FBXL5: variants seen among roughly 807,000 people sequenced by gnomAD.
The protein encoded by FBXL5 is F-box and leucine rich repeat protein 5.
In FBXL5, 26 loss-of-function variants were observed where a neutral mutation model predicts 78.3. The ratio of observed to expected loss-of-function variants is 0.33; its 90% CI spans 0.24 to 0.46. FBXL5 has a LOEUF of 0.46. Among genes scored for constraint, FBXL5 ranks in the 20% least tolerant of loss-of-function variants. The pLI is 1.00. For synonymous variants in FBXL5, 295 were observed against 282.5 expected (o/e 1.04, Z -0.45); for missense variants, 710 against 829.2 (o/e 0.86, Z 1.77).
At position 15,605,813 on chromosome 4, in the gene FBXL5, GA is replaced by G; in HGVS notation, c.2000-15del. ...CAGCATGAGGACCTGTATGAAAACA[GA>G]AAAATGTGAAAGGAGGAATTTCTTA... On this transcript the variant is annotated splice_polypyrimidine_tract_variant and intron_variant, in intron 10 of 10. Transcript: ENST00000341285. The G allele has an allele frequency of 6.3e-7, 1 of 1,593,670 alleles. No individual in the cohort carries two copies. Among genetic ancestry groups the G allele is most frequent in the Non-Finnish European group, 8.5e-7 (1 of 1,171,284 alleles).
rs1712979185 is a variant in FBXL5, at chr4:15,625,753, A to G, written c.1349T>C (p.Leu450Ser). The G allele has an allele frequency of 6.2e-7, 1 of 1,614,076 alleles. No homozygotes were observed. The highest frequency in any genetic ancestry group is 1.3e-5 in the African/African-American group (1 of 74,930). Reference protein sequence around the residue: ...STKQYACLHDLTNKGIGEEID... With the variant: ...STKQYACLHDSTNKGIGEEID... ...TTCTTCTCCAATGCCCTTGTTAGTTAAATCGTGCAAACAGGCATACTGCTT... is the reference window on the plus strand; with the variant it reads ...TTCTTCTCCAATGCCCTTGTTAGTTGAATCGTGCAAACAGGCATACTGCTT... The change falls in exon 9 of 11, where the codon TTA becomes TCA. Residue 450 changes from leucine (L) to serine (S), a missense_variant. Coordinates refer to ENST00000341285, the MANE Select transcript of FBXL5 (RefSeq NM_012161.4).
chr4:15,662,133 A>T (rs1336766615), upstream of FBXL5, among the ~76,000 whole-genome samples: 1 of 150,574 alleles, frequency 6.6e-6, no homozygotes, highest in Non-Finnish European at 1.5e-5. Context: ...CAACCCCAGT[A>T]CAGTGTGGGA....
At chr4:15,623,590 AAAAC>A (rs1420842382) in intron 9 of FBXL5, among the ~76,000 whole-genome samples, 1 of 152,268 alleles carries the variant, frequency 6.6e-6, no homozygotes, top group Non-Finnish European at 1.5e-5. Context: ...GTTGCATTCA[AAAAC>A]AAAATCATAT....
chr4:15,659,642 G>T, upstream of FBXL5: 1 of 464,154 alleles, frequency 2.2e-6, no homozygotes, highest in Non-Finnish European at 2.8e-6. Flanking sequence ...GATATAATGT[G>T]TATAGTGGTC....
intron 1 of FBXL5, among the ~76,000 whole-genome samples, chr4:15,674,028 T>C (rs1365020967): frequency 6.6e-6 from 1 of 152,216 alleles, no homozygotes; most frequent in Non-Finnish European, 1.5e-5. Flanking sequence ...ATCAAACTTT[T>C]AACCATTACA....
At chr4:15,665,011 G>A (rs1276651381) in intron 1 of FBXL5, among the ~76,000 whole-genome samples, 9 of 152,098 alleles carry the variant, frequency 5.9e-5, no homozygotes, top group Admixed American at 5.9e-4. Flanking sequence ...CACCCTTAAT[G>A]CAAAGGGCTT....
At chr4:15,623,826 GT>G (rs548846356) in intron 9 of FBXL5, among the ~76,000 whole-genome samples, 37 of 147,212 alleles carry the variant, frequency 2.5e-4, no homozygotes, top group South Asian at 2.2e-4. Context: ...TTTTACAATA[GT>G]TTTTTTTTTT....
chr4:15,618,075 C>T (rs1712096423), intron 9 of FBXL5, among the ~76,000 whole-genome samples: 1 of 152,096 alleles, frequency 6.6e-6, no homozygotes, highest in Non-Finnish European at 1.5e-5. Context: ...TTTTAAACGA[C>T]AAATACAAAA....
chr4:15,628,135 C>T, intron 6 of FBXL5, 102 bp from the exon 7 acceptor site: 1 of 1,093,530 alleles, frequency 9.1e-7, no homozygotes, highest in South Asian at 1.5e-5. Flanking sequence ...TTGTGCTATC[C>T]TTATACTTTC....
chr4:15,653,315 T>C (rs1047110284), intron 1 of FBXL5, among the ~76,000 whole-genome samples: 1 of 152,186 alleles, frequency 6.6e-6, no homozygotes, highest in Admixed American at 6.5e-5. Context: ...CTCAGATATC[T>C]TGTAAAAAAG....
intron 1 of FBXL5, among the ~76,000 whole-genome samples, chr4:15,652,072 C>T (rs921333060): frequency 6.6e-6 from 1 of 152,126 alleles, no homozygotes; most frequent in Admixed American, 6.6e-5. Context: ...GTAGTACAAG[C>T]TACTACAGAG....
chr4:15,661,013 G>T (rs898476578), upstream of FBXL5, among the ~76,000 whole-genome samples: 18 of 151,730 alleles, frequency 1.2e-4, no homozygotes, highest in African/African-American at 4.4e-4. Context: ...AGAGAAGGAG[G>T]TTGCAGTGAG....
In FBXL5 at chr4:15,628,094, G is replaced by A. The variant is rs1327769076; in HGVS notation, c.893-61C>T. ...AACTGATAATAATTAAGCTACTCAAGCGCTCACCAAATTGTTAAATATGAC... is the reference window on the plus strand; with the variant it reads ...AACTGATAATAATTAAGCTACTCAAACGCTCACCAAATTGTTAAATATGAC... On this transcript the variant is annotated intron_variant, in intron 6 of 10. Coordinates refer to ENST00000341285, the MANE Select transcript of FBXL5 (RefSeq NM_012161.4). 2.7e-6 allele frequency: 4 copies of A among 1,497,766 alleles called. No individual in the cohort carries two copies. In the African/African-American group the frequency reaches 6.1e-5, roughly 23 times the overall value. The allele number at this position is 1,497,766 out of a possible 1,614,324, so 92.8% of individuals were successfully genotyped here. A position where few individuals can be genotyped will look rare whatever the true frequency, so the allele number is the denominator to read the frequency against.
intron 1 of FBXL5, among the ~76,000 whole-genome samples, chr4:15,678,654 TTAAGTA>T: frequency 6.6e-6 from 1 of 152,208 alleles, no homozygotes; most frequent in Admixed American, 6.5e-5. Context: ...GAGCATTAAT[TTAAGTA>T]TATTTACCTA....
At chr4:15,630,260 T>C (rs1211854415) in intron 6 of FBXL5, among the ~76,000 whole-genome samples, 1 of 152,186 alleles carries the variant, frequency 6.6e-6, no homozygotes, top group African/African-American at 2.4e-5. Flanking sequence ...GTATTAAGAC[T>C]ATCTACAAAC....
intron 1 of FBXL5, among the ~76,000 whole-genome samples, chr4:15,673,765 C>G (rs1045160921): frequency 3.9e-5 from 6 of 152,192 alleles, no homozygotes; most frequent in African/African-American, 1.4e-4. Context: ...TCTCTCCCTT[C>G]TAGCAAACTC....
chr4:15,665,080 A>G (rs1191170171), intron 1 of FBXL5, among the ~76,000 whole-genome samples: 1 of 152,088 alleles, frequency 6.6e-6, no homozygotes. Flanking sequence ...CACTACAGCT[A>G]CATTGCTACC....
Position 15,614,796 on chromosome 4 carries a change from G to A in FBXL5, c.1851-2382C>T, listed in dbSNP as rs1050784042. ...CTTGCTCTCAGCACCTCCTCTGCCT[G>A]GGCCCCCACTTTGGCGGCATTTGAG... On this transcript the variant is annotated intron_variant, in intron 9 of 10. Coordinates refer to ENST00000341285, the MANE Select transcript of FBXL5 (RefSeq NM_012161.4). 2.0e-5 allele frequency among the ~76,000 whole-genome samples: 3 copies of A among 152,248 alleles called. No homozygotes were observed. In the East Asian group the frequency reaches 5.8e-4, roughly 30 times the overall value.
chr4:15,652,897 G>A (rs1028343268), intron 1 of FBXL5, among the ~76,000 whole-genome samples: 3 of 152,058 alleles, frequency 2.0e-5, no homozygotes, highest in Non-Finnish European at 4.4e-5. Flanking sequence ...TGTTTGGTTG[G>A]ATATCCTTGG....
Sources: allele counts gnomAD v4.1 joint callset (sites outside exome capture counted in the v4.1 genomes callset), GRCh38; gene constraint gnomAD v4.1.1; transcripts MANE v1.5; gene names NCBI Gene and HGNC (gene_info 2026-07-23, HGNC 2026-07-21).